SGCZ: variants seen among roughly 807,000 people sequenced by gnomAD.
SGCZ encodes sarcoglycan zeta.
Under a neutral mutation model 41.3 loss-of-function variants are expected in SGCZ, and 40 were observed. The observed-to-expected ratio is 0.97, with a 90% CI of 0.75 to 1.26. SGCZ has a LOEUF of 1.26. Ranked by LOEUF, SGCZ falls within the 50% of genes most tolerant of loss-of-function variation. The probability of loss-of-function intolerance (pLI) is 0.00; values close to 1 mark genes in which losing one functional copy is unlikely to be tolerated. For missense variants in SGCZ, 552 were observed against 369.8 expected, an observed-to-expected ratio of 1.49 and a Z score of -4.04; for synonymous variants, 206 against 137.5, an observed-to-expected ratio of 1.50 and a Z score of -3.49.
intron 4 of SGCZ, among the ~76,000 whole-genome samples, chr8:14,196,009 T>C (rs1027424331): frequency 6.6e-6 from 1 of 152,102 alleles, no homozygotes; most frequent in Non-Finnish European, 1.5e-5. Flanking sequence ...TCTTATTATT[T>C]AATCTATTTA....
intron 1 of SGCZ, among the ~76,000 whole-genome samples, chr8:14,996,190 A>C (rs1802211883): frequency 6.6e-6 from 1 of 152,218 alleles, no homozygotes; most frequent in South Asian, 2.1e-4. Flanking sequence ...GGCATGAGCC[A>C]CTACATCAGA....
chr8:14,620,379 A>G (rs549921485), intron 1 of SGCZ, among the ~76,000 whole-genome samples: 2 of 152,262 alleles, frequency 1.3e-5, no homozygotes, highest in South Asian at 2.1e-4. Context: ...ATAGGCATGG[A>G]GAAGGACTTC....
intron 1 of SGCZ, among the ~76,000 whole-genome samples, chr8:15,050,705 T>G (rs1346675878): frequency 6.6e-6 from 1 of 152,074 alleles, no homozygotes; most frequent in Non-Finnish European, 1.5e-5. Context: ...AGTGAATTGA[T>G]AGTGAATTGA....
intron 1 of SGCZ, among the ~76,000 whole-genome samples, chr8:15,194,796 T>G (rs1393298091): frequency 1.3e-5 from 2 of 151,674 alleles, no homozygotes; most frequent in Non-Finnish European, 2.9e-5. Context: ...GCAGCCCTGC[T>G]GAAAACCCGA....
intron 1 of SGCZ, among the ~76,000 whole-genome samples, chr8:14,922,697 T>C (rs1012486632): frequency 6.6e-5 from 10 of 152,312 alleles, no homozygotes; most frequent in African/African-American, 2.2e-4. Flanking sequence ...GACCAAGGGA[T>C]ATAAAGCAAT....
chr8:14,889,762 G>T (rs1385229994), intron 1 of SGCZ, among the ~76,000 whole-genome samples: 10 of 151,572 alleles, frequency 6.6e-5, no homozygotes, highest in Non-Finnish European at 5.9e-5. Flanking sequence ...TAAAATAACT[G>T]CTTGCATATT....
intron 3 of SGCZ, among the ~76,000 whole-genome samples, chr8:14,262,074 G>T (rs574737493): frequency 2.6e-5 from 4 of 152,172 alleles, no homozygotes; most frequent in African/African-American, 9.6e-5. Flanking sequence ...AATTAAATCT[G>T]TGACACATTA....
chr8:14,651,675 T>C (rs1187171483), intron 1 of SGCZ, among the ~76,000 whole-genome samples: 1 of 152,094 alleles, frequency 6.6e-6, no homozygotes, highest in African/African-American at 2.4e-5. Context: ...ATTAATTTTC[T>C]TATTCTCTTC....
In SGCZ at chr8:14,092,876, A is replaced by G. The variant is rs898148641; in HGVS notation, c.745-2239T>C. 3.3e-5 allele frequency among the ~76,000 whole-genome samples: 5 copies of G among 151,846 alleles called. No individual in the cohort carries two copies. The East Asian group carries it at 7.8e-4, about 24-fold the overall frequency. ...AGCTAATCAGCACAGTGAACAATAT[A>G]TAATTATTGTCTATAATTAGATTTG... On this transcript the variant is annotated intron_variant, in intron 7 of 7. Transcript: ENST00000382080.
chr8:14,245,848 G>C (rs540196125), intron 3 of SGCZ, among the ~76,000 whole-genome samples: 26 of 152,260 alleles, frequency 1.7e-4, no homozygotes, highest in Non-Finnish European at 3.2e-4. Flanking sequence ...ATGAAAAAAT[G>C]CTCATCATCA....
intron 1 of SGCZ, among the ~76,000 whole-genome samples, chr8:14,713,299 T>C (rs142442536): frequency 6.6e-6 from 1 of 152,220 alleles, no homozygotes; most frequent in East Asian, 1.9e-4. Context: ...ACTTACATTT[T>C]CAGATATTTT....
At chr8:15,163,753 T>C (rs1799577627) in intron 1 of SGCZ, among the ~76,000 whole-genome samples, 1 of 152,236 alleles carries the variant, frequency 6.6e-6, no homozygotes, top group Non-Finnish European at 1.5e-5. Context: ...TTACAGCAAT[T>C]TGCCCTTTAA....
chr8:14,338,488 G>A (rs915390060), intron 2 of SGCZ, among the ~76,000 whole-genome samples: 6 of 152,120 alleles, frequency 3.9e-5, no homozygotes, highest in Non-Finnish European at 7.4e-5. Context: ...ATCCTGCTTG[G>A]GGGCAGGTGG....
intron 1 of SGCZ, among the ~76,000 whole-genome samples, chr8:14,858,513 T>G (rs1334334004): frequency 6.6e-6 from 1 of 152,140 alleles, no homozygotes; most frequent in Non-Finnish European, 1.5e-5. Flanking sequence ...TGGATATAGT[T>G]GGCAAAGGAA....
At chr8:14,481,655 T>G (rs1340030445) in intron 2 of SGCZ, among the ~76,000 whole-genome samples, 2 of 151,794 alleles carry the variant, frequency 1.3e-5, no homozygotes, top group Non-Finnish European at 2.9e-5. Context: ...TGGAAGGGAG[T>G]TTTTTTATTA....
intron 2 of SGCZ, among the ~76,000 whole-genome samples, chr8:14,381,232 G>A (rs1308488635): frequency 5.9e-5 from 9 of 152,226 alleles, no homozygotes; most frequent in Non-Finnish European, 1.2e-4. Context: ...CCATTACAAA[G>A]CTTCTTGAAC....
At chr8:14,512,293 T>A (rs187833615) in intron 2 of SGCZ, among the ~76,000 whole-genome samples, 1 of 152,234 alleles carries the variant, frequency 6.6e-6, no homozygotes, top group Non-Finnish European at 1.5e-5. Context: ...GAAGATCTAT[T>A]TATACCTTAA....
intron 1 of SGCZ, among the ~76,000 whole-genome samples, chr8:14,839,126 C>A (rs1183302853): frequency 6.6e-6 from 1 of 152,102 alleles, no homozygotes; most frequent in African/African-American, 2.4e-5. Flanking sequence ...TGATGTAACA[C>A]TCCAGCTGAG....
At position 15,168,954 on chromosome 8, in the gene SGCZ, C is replaced by G. The variant is rs947227119; in HGVS notation, c.39+68631G>C. Among the ~76,000 whole-genome samples the G allele has an allele frequency of 9.2e-5, 14 of 152,310 alleles. No individual in the cohort carries two copies. The East Asian group carries it at 2.7e-3, about 29-fold the overall frequency. On this transcript the variant is annotated intron_variant, in intron 1 of 7. Coordinates refer to ENST00000382080, the MANE Select transcript of SGCZ (RefSeq NM_139167.4). Reference sequence around the variant, plus strand: ...TGTCATTCAGGCTTTTAGCCTCCCACTCCTGTGTAAACTGGTAAAAGGCCT... The same window carrying G: ...TGTCATTCAGGCTTTTAGCCTCCCAGTCCTGTGTAAACTGGTAAAAGGCCT...
Sources: gnomAD v4.1 joint callset for allele counts (sites outside exome capture counted in the v4.1 genomes callset) on GRCh38, gnomAD v4.1.1 for gene constraint, MANE v1.5 for transcripts, NCBI Gene and HGNC (gene_info 2026-07-23, HGNC 2026-07-21) for gene names.